Variants in SPAG17 observed in about 807,000 individuals in gnomAD.
The protein encoded by SPAG17 is sperm associated antigen 17.
SPAG17 carries 169 observed loss-of-function variants against 273.6 expected under a neutral mutation model. The ratio of observed to expected loss-of-function variants is 0.62; its 90% CI spans 0.55 to 0.70. The LOEUF (loss-of-function observed/expected upper bound fraction) is 0.70, where lower values mean the gene tolerates loss of function less well. SPAG17 is among the 30% of genes least tolerant of loss of function. The pLI is 0.00. For synonymous variants in SPAG17, 825 were observed against 873.2 expected, an observed-to-expected ratio of 0.94 and a Z score of 0.97; for missense variants, 2,557 against 2,627.8, an observed-to-expected ratio of 0.97 and a Z score of 0.59.
chr1:118,083,207 C>T (rs1233377144), intron 13 of SPAG17, among the ~76,000 whole-genome samples: 12 of 152,232 alleles, frequency 7.9e-5, no homozygotes, highest in African/African-American at 2.4e-4. Context: ...CCACCCGTCT[C>T]GGCCTCCCAG....
rs141314585 is a variant in SPAG17 at position 118,007,669 on chromosome 1, G to A, written c.4587+375C>T. ...GGACTGACTGGAGGTGGGAAGGATG[G>A]ATAATGAGAATGAGGGTCGAGGCGG... On this transcript the variant is annotated intron_variant, in intron 31 of 48. Coordinates refer to ENST00000336338, the MANE Select transcript of SPAG17 (RefSeq NM_206996.4). 9.9e-3 allele frequency among the ~76,000 whole-genome samples: 1,503 copies of A among 152,256 alleles called. 13 individuals are homozygous for A. The highest frequency in any genetic ancestry group is 0.014 in the Admixed American group (218 of 15,292).
At chr1:118,183,898 A>G (rs778330528) in intron 1 of SPAG17, among the ~76,000 whole-genome samples, 7 of 152,232 alleles carry the variant, frequency 4.6e-5, no homozygotes, top group Non-Finnish European at 1.0e-4. Context: ...GTGCTTTGAA[A>G]AACATCTTTG....
rs1299243245 is a variant in SPAG17, at chr1:118,066,851, GGTA to G, written c.2431_2433del (p.Tyr811del). The G allele has an allele frequency of 1.2e-6, 2 of 1,613,678 alleles. No homozygotes were observed. The highest frequency in any genetic ancestry group is 1.7e-6 in the Non-Finnish European group (2 of 1,179,844). On this transcript the variant is annotated inframe_deletion, in exon 18 of 49. Coordinates refer to ENST00000336338, the MANE Select transcript of SPAG17 (RefSeq NM_206996.4). ...AAAAGTAAAGAGTTGTCTTGGGTGT[GGTA>G]GTAAGAATCAACACACCTATATTGC... is the stretch of plus-strand genomic sequence containing the variant.
intron 6 of SPAG17, among the ~76,000 whole-genome samples, chr1:118,099,163 C>T (rs1178710998): frequency 6.6e-6 from 1 of 152,096 alleles, no homozygotes; most frequent in Non-Finnish European, 1.5e-5. Flanking sequence ...GAAGATAGCA[C>T]CCCAGTGATT....
intron 24 of SPAG17, among the ~76,000 whole-genome samples, chr1:118,032,462 G>C (rs1175397873): frequency 6.6e-6 from 1 of 151,988 alleles, no homozygotes; most frequent in African/African-American, 2.4e-5. Context: ...AGCATCCTGT[G>C]TGTCATGAAT....
At chr1:118,049,909 A>C (rs1176838314) in intron 20 of SPAG17, among the ~76,000 whole-genome samples, 4 of 152,182 alleles carry the variant, frequency 2.6e-5, no homozygotes, top group Non-Finnish European at 5.9e-5. Context: ...CCAGGGAAGG[A>C]GGCATCTCCC....
chr1:118,084,991 T>C (rs1304028340), intron 13 of SPAG17, among the ~76,000 whole-genome samples: 2 of 152,216 alleles, frequency 1.3e-5, no homozygotes, highest in African/African-American at 4.8e-5. Context: ...TTATAAATAG[T>C]GTGCTCAGAA....
chr1:118,048,342 G>A (rs551849138), intron 20 of SPAG17, among the ~76,000 whole-genome samples: 5 of 151,690 alleles, frequency 3.3e-5, no homozygotes, highest in Non-Finnish European at 7.4e-5. Flanking sequence ...TGGCTGCTGC[G>A]GATTCAGGAT....
At chr1:117,986,156 G>A (rs548310047) in intron 40 of SPAG17, among the ~76,000 whole-genome samples, 13 of 152,236 alleles carry the variant, frequency 8.5e-5, no homozygotes, top group Non-Finnish European at 7.4e-5. Flanking sequence ...TATCAGACAG[G>A]CATGACCAAA....
At position 118,086,751 on chromosome 1, in the gene SPAG17, T is replaced by C; in HGVS notation, c.1531A>G (p.Asn511Asp). 6.2e-7 allele frequency: 1 copy of C among 1,614,202 alleles called. No homozygotes were observed. Among genetic ancestry groups the C allele is most frequent in the Non-Finnish European group, 8.5e-7 (1 of 1,180,032 alleles). ...LHDIFLSEEENESKAVPKGPL... is the reference protein window; with the variant it reads ...LHDIFLSEEEDESKAVPKGPL... ...CCTTTGGGCACTGCTTTGCTTTCATTTTCTTCTTCAGATAAAAATATGTCA... is the reference window on the plus strand; with the variant it reads ...CCTTTGGGCACTGCTTTGCTTTCATCTTCTTCTTCAGATAAAAATATGTCA... The change falls in exon 12 of 49, where the codon AAT (asparagine) becomes GAT (aspartate). Residue 511 changes from asparagine to aspartate, a missense_variant. Physicochemically the swap from Asn to Asp is conservative, Grantham distance 23. Coordinates refer to ENST00000336338, the MANE Select transcript of SPAG17 (RefSeq NM_206996.4).
chr1:118,039,182 G>T, intron 23 of SPAG17, 110 bp downstream of exon 23: 2 of 1,172,172 alleles, frequency 1.7e-6, no homozygotes, highest in East Asian at 2.4e-5. Flanking sequence ...AGAGTGTACT[G>T]GTAGAAACTT....
intron 12 of SPAG17, 136 bp downstream of exon 12, chr1:118,086,535 T>C: frequency 1.3e-6 from 1 of 781,934 alleles, no homozygotes; most frequent in Non-Finnish European, 2.0e-6. Context: ...GGTCCTACTT[T>C]GTATGCAAGT....
At chr1:118,060,377 G>A (rs1652154753) in intron 18 of SPAG17, among the ~76,000 whole-genome samples, 2 of 151,790 alleles carry the variant, frequency 1.3e-5, no homozygotes, top group Non-Finnish European at 1.5e-5. Flanking sequence ...CAAATCCTAG[G>A]CTCAAATGAT....
intron 48 of SPAG17, chr1:117,962,320 C>A (rs1229630345): frequency 6.6e-6 from 1 of 152,078 alleles, no homozygotes; most frequent in African/African-American, 2.4e-5. Context: ...AAATTTTAAG[C>A]CAGGCAAATT....
intron 3 of SPAG17, among the ~76,000 whole-genome samples, chr1:118,123,114 C>T (rs1657516479): frequency 6.6e-6 from 1 of 152,162 alleles, no homozygotes; most frequent in Non-Finnish European, 1.5e-5. Context: ...AATTTCTTCT[C>T]AAATGTGAGA....
chr1:118,067,912 T>C (rs1035006734), intron 17 of SPAG17, among the ~76,000 whole-genome samples: 4 of 152,162 alleles, frequency 2.6e-5, no homozygotes, highest in African/African-American at 9.7e-5. Context: ...CTTCCAACTC[T>C]GGCCCTTTCT....
In SPAG17 at chr1:117,953,631, T is replaced by C; in HGVS notation, c.*419A>G. ...TATTCTGTATCAACCAGAAAGCCAT[T>C]TTTTTGGCAAAAAGTTGATGAGATT... is the stretch of plus-strand genomic sequence containing the variant. On this transcript the variant is annotated 3_prime_UTR_variant, in exon 49 of 49. Coordinates refer to ENST00000336338, the MANE Select transcript of SPAG17 (RefSeq NM_206996.4). 11 of 1,387,420 alleles carry C rather than the reference T, an allele frequency of 7.9e-6. No homozygotes were observed. The highest frequency in any genetic ancestry group is 1.1e-5 in the Non-Finnish European group (11 of 1,014,662). 85.9% of individuals were successfully genotyped at this position (1,387,420 alleles called of 1,614,324 possible). A position where few individuals can be genotyped will look rare whatever the true frequency, so the allele number is the denominator to read the frequency against.
rs931658235 is a variant in SPAG17 at position 118,036,567 on chromosome 1, T to TTA, written c.3433+201_3433+202dup. 259 of 313,818 alleles carry TTA rather than the reference T, an allele frequency of 8.3e-4. 1 individual carries two copies. Among genetic ancestry groups the TTA allele is most frequent in the Admixed American group, 1.1e-3 (23 of 20,258 alleles). The allele number at this position is 313,818 out of a possible 1,614,324, so 19.4% of individuals were successfully genotyped here. A position where few individuals can be genotyped will look rare whatever the true frequency, so the allele number is the denominator to read the frequency against. ...TTATTTTGTATCTATGTATAAAAGA[T>TTA]TATATATATATATACTGTATACACA... On this transcript the variant is annotated intron_variant, in intron 24 of 48. Transcript: ENST00000336338.
At chr1:118,006,726 A>G (rs1014529610) in intron 31 of SPAG17, among the ~76,000 whole-genome samples, 19 of 152,084 alleles carry the variant, frequency 1.2e-4, no homozygotes, top group African/African-American at 4.1e-4. Context: ...GACTTATACC[A>G]TCAGCAATTT....
Sources: gnomAD v4.1 joint callset for allele counts (sites outside exome capture counted in the v4.1 genomes callset) on GRCh38, gnomAD v4.1.1 for gene constraint, MANE v1.5 for transcripts, NCBI Gene and HGNC (gene_info 2026-07-23, HGNC 2026-07-21) for gene names.